The following HRH1 variants were observed in gnomAD, a reference collection of about 807,000 sequenced individuals.
The protein encoded by HRH1 is histamine receptor H1, also known as histamine H1 receptor.
HRH1 carries 6 observed loss-of-function variants against 10.3 expected under a neutral mutation model. The ratio of observed to expected loss-of-function variants is 0.58; its 90% CI spans 0.32 to 1.15. The LOEUF is 1.15. Among genes scored for constraint, HRH1 ranks in the 50% most tolerant of loss-of-function variants. HRH1 has a pLI of 0.05. For synonymous variants in HRH1, 242 were observed against 236.7 expected (o/e 1.02, Z -0.21); for missense variants, 514 against 615.3 (o/e 0.84, Z 1.74).
At chr3:11,203,972 T>A (rs1164514720) in intron 1 of HRH1, among the ~76,000 whole-genome samples, 1 of 152,254 alleles carries the variant, frequency 6.6e-6, no homozygotes, top group South Asian at 2.1e-4. Flanking sequence ...TTCCTATCCA[T>A]GAACATGCTG....
chr3:11,175,781 A>G (rs1937237085), intron 1 of HRH1, among the ~76,000 whole-genome samples: 1 of 152,232 alleles, frequency 6.6e-6, no homozygotes, highest in African/African-American at 2.4e-5. Flanking sequence ...TTCAAACACC[A>G]ACAAGGGACT....
chr3:11,258,056 G>C (rs955710561), intron 1 of HRH1, among the ~76,000 whole-genome samples: 1 of 152,046 alleles, frequency 6.6e-6, no homozygotes, highest in East Asian at 1.9e-4. Context: ...AAATAGAAAA[G>C]TAAAATAACG....
intron 1 of HRH1, among the ~76,000 whole-genome samples, chr3:11,252,296 G>A (rs2152586830): frequency 6.6e-6 from 1 of 152,278 alleles, no homozygotes; most frequent in South Asian, 2.1e-4. Context: ...TCTACAAATT[G>A]GAGTTTGTTT....
chr3:11,247,369 G>C (rs919294514), intron 1 of HRH1, among the ~76,000 whole-genome samples: 2 of 152,120 alleles, frequency 1.3e-5, no homozygotes, highest in Non-Finnish European at 2.9e-5. Flanking sequence ...AGTCACGATC[G>C]CAAGAGCACA....
chr3:11,180,948 T>TAC (rs71055851), intron 1 of HRH1, among the ~76,000 whole-genome samples: 26,232 of 120,806 alleles, frequency 0.22, 3,173 homozygotes, highest in East Asian at 0.29. Context: ...CTCTCAGGCA[T>TAC]ACACACACAC....
intron 1 of HRH1, among the ~76,000 whole-genome samples, chr3:11,249,299 A>T (rs1939574250): frequency 6.7e-6 from 1 of 149,500 alleles, no homozygotes; most frequent in Admixed American, 6.7e-5. Flanking sequence ...GCTACTCGGG[A>T]GGCTGAAGCA....
At chr3:11,145,449 C>T (rs1196804919) in intron 1 of HRH1, among the ~76,000 whole-genome samples, 1 of 152,142 alleles carries the variant, frequency 6.6e-6, no homozygotes, top group Non-Finnish European at 1.5e-5. Context: ...CTCTCTGTCC[C>T]TACTGCACCC....
At chr3:11,189,668 A>C (rs931173957) in intron 1 of HRH1, among the ~76,000 whole-genome samples, 35 of 152,184 alleles carry the variant, frequency 2.3e-4, no homozygotes, top group Admixed American at 7.9e-4. Flanking sequence ...GTGGTGGCTC[A>C]CACCTGTAAT....
chr3:11,234,669 G>A, intron 1 of HRH1: 1 of 1,246,422 alleles, frequency 8.0e-7, no homozygotes, highest in Non-Finnish European at 1.2e-6. Flanking sequence ...CTTCCTGCCG[G>A]CAGTAGGACA....
At chr3:11,247,540 T>C (rs1170849256) in intron 1 of HRH1, among the ~76,000 whole-genome samples, 1 of 152,042 alleles carries the variant, frequency 6.6e-6, no homozygotes, top group Non-Finnish European at 1.5e-5. Context: ...AGAGGGACTG[T>C]CCCTTACTAG....
chr3:11,236,713 C>T (rs2152576911), intron 1 of HRH1, among the ~76,000 whole-genome samples: 1 of 152,314 alleles, frequency 6.6e-6, no homozygotes, highest in East Asian at 1.9e-4. Flanking sequence ...ATATAAATAA[C>T]TTCTATATAT....
chr3:11,206,245 G>GT (rs1938120380), intron 1 of HRH1, among the ~76,000 whole-genome samples: 1 of 152,242 alleles, frequency 6.6e-6, no homozygotes, highest in African/African-American at 2.4e-5. Context: ...CTCCCGAGGA[G>GT]TAGCCGGGAC....
intron 1 of HRH1, among the ~76,000 whole-genome samples, chr3:11,184,111 G>A (rs1303370902): frequency 2.0e-5 from 3 of 152,092 alleles, no homozygotes; most frequent in Non-Finnish European, 4.4e-5. Flanking sequence ...AGTGAAAACA[G>A]GATTAAAAGT....
chr3:11,184,644 C>T (rs982416287), intron 1 of HRH1, among the ~76,000 whole-genome samples: 14 of 152,208 alleles, frequency 9.2e-5, no homozygotes, highest in African/African-American at 3.1e-4. Context: ...TGGCCGGGCC[C>T]GATGACTCGC....
intron 1 of HRH1, among the ~76,000 whole-genome samples, chr3:11,144,464 T>TAG (rs1936377937): frequency 6.7e-6 from 1 of 149,378 alleles, no homozygotes; most frequent in African/African-American, 2.4e-5. Context: ...TAGGTATATA[T>TAG]ACATATAGAC....
chr3:11,231,470 C>T (rs1484937260), intron 1 of HRH1, among the ~76,000 whole-genome samples: 1 of 152,198 alleles, frequency 6.6e-6, no homozygotes. Context: ...ATGAGTGACA[C>T]AGTTTCTCTG....
intron 1 of HRH1, among the ~76,000 whole-genome samples, chr3:11,250,864 C>A (rs144960308): frequency 3.3e-5 from 5 of 152,244 alleles, no homozygotes; most frequent in Non-Finnish European, 5.9e-5. Flanking sequence ...GGTTTTTCTG[C>A]GCACTCTGAA....
chr3:11,179,696 G>A (rs1406267976), intron 1 of HRH1, among the ~76,000 whole-genome samples: 1 of 150,998 alleles, frequency 6.6e-6, no homozygotes, highest in Non-Finnish European at 1.5e-5. Flanking sequence ...CTTCAGTTCT[G>A]AACTCACTTA....
At chr3:11,204,301 C>A (rs184263889) in intron 1 of HRH1, among the ~76,000 whole-genome samples, 1 of 152,232 alleles carries the variant, frequency 6.6e-6, no homozygotes, top group East Asian at 1.9e-4. Flanking sequence ...GAGAGGGACA[C>A]ATATTAAATA....
Sources: allele counts gnomAD v4.1 joint callset (sites outside exome capture counted in the v4.1 genomes callset), GRCh38; gene constraint gnomAD v4.1.1; transcripts MANE v1.5; gene names NCBI Gene and HGNC (gene_info 2026-07-23, HGNC 2026-07-21).